The following ATP1A2 variants were observed in gnomAD, a reference collection of about 807,000 sequenced individuals.
The protein encoded by ATP1A2 is sodium/potassium-transporting ATPase subunit alpha-2.
Under a neutral mutation model 113.1 loss-of-function variants are expected in ATP1A2, and 56 were observed. The observed-to-expected ratio is 0.49, with a 90% CI of 0.40 to 0.62. The LOEUF is 0.62. ATP1A2 is among the 20% of genes least tolerant of loss of function. The pLI, the probability that ATP1A2 is intolerant of heterozygous loss-of-function variation, is 0.00. For synonymous variants in ATP1A2, 490 were observed against 526.8 expected, an observed-to-expected ratio of 0.93 and a Z score of 0.96; for missense variants, 712 against 1,357.8, an observed-to-expected ratio of 0.52 and a Z score of 7.47.
chr1:160,137,310 C>A, intron 20 of ATP1A2: 1 of 477,414 alleles, frequency 2.1e-6, no homozygotes, highest in Non-Finnish European at 3.8e-6. Context: ...CCACCTGCTC[C>A]TATCCTTTGC....
At chr1:160,138,702 G>A (rs774332899) in intron 20 of ATP1A2, among the ~76,000 whole-genome samples, 28 of 152,106 alleles carry the variant, frequency 1.8e-4, no homozygotes, top group Admixed American at 4.6e-4. Flanking sequence ...TTAGCAGGGC[G>A]TGGTGGCACA....
At chr1:160,136,127 G>C (rs1651927873) in intron 17 of ATP1A2, 120 bp from the exon 18 acceptor site, 1 of 1,598,742 alleles carries the variant, frequency 6.3e-7, no homozygotes, top group Non-Finnish European at 8.6e-7. Flanking sequence ...GAAGACAATG[G>C]GGTCTGAATA....
chr1:160,122,315 A>C (rs1427582991), intron 3 of ATP1A2, among the ~76,000 whole-genome samples: 1 of 152,080 alleles, frequency 6.6e-6, no homozygotes, highest in Non-Finnish European at 1.5e-5. Context: ...CCAGATCATA[A>C]GCTCCTCAAG....
chr1:160,130,819 C>T (rs1651749027), intron 13 of ATP1A2, among the ~76,000 whole-genome samples: 1 of 152,224 alleles, frequency 6.6e-6, no homozygotes, highest in Admixed American at 6.5e-5. Flanking sequence ...CCCTCCTCTC[C>T]CTCCCTGGCA....
intron 22 of ATP1A2, 40 bp downstream of exon 22, chr1:160,140,024 C>T: frequency 6.3e-7 from 1 of 1,590,576 alleles, no homozygotes; most frequent in Non-Finnish European, 8.6e-7. Context: ...GTGCAAGCCC[C>T]ACCACCAGCT....
At chr1:160,131,225 T>G (rs1651760596) in intron 13 of ATP1A2, among the ~76,000 whole-genome samples, 1 of 152,192 alleles carries the variant, frequency 6.6e-6, no homozygotes. Context: ...CAATGAGCTG[T>G]GCCAGGGAGG....
At chr1:160,117,769 G>A (rs895049768) in intron 1 of ATP1A2, among the ~76,000 whole-genome samples, 7 of 152,144 alleles carry the variant, frequency 4.6e-5, no homozygotes, top group Admixed American at 2.6e-4. Flanking sequence ...GGGAAGGGAC[G>A]ACACTGGTGG....
At chr1:160,140,328 G>T (rs1361510390) in intron 22 of ATP1A2, among the ~76,000 whole-genome samples, 1 of 115,156 alleles carries the variant, frequency 8.7e-6, no homozygotes. Flanking sequence ...AATCTGTTCA[G>T]GGTCGTAAAG....
chr1:160,129,402 T>C lies in ATP1A2; in HGVS notation c.1461+2T>C. 2 of 1,612,720 alleles carry C rather than the reference T, an allele frequency of 1.2e-6. No homozygotes were observed. Among genetic ancestry groups the C allele is most frequent in the Non-Finnish European group, 1.7e-6 (2 of 1,179,992 alleles). On this transcript the variant is annotated splice_donor_variant, in intron 11 of 22. Coordinates refer to ENST00000361216, the MANE Select transcript of ATP1A2 (RefSeq NM_000702.4). LOFTEE classifies it high-confidence loss of function. ...TTCAACTCTACCAACAAGTACCAGG[T>C]CTGCTTGGGTTGCCAGGACAGAGGA...
chr1:160,133,066 T>C (rs1651818766), intron 13 of ATP1A2, among the ~76,000 whole-genome samples: 2 of 151,946 alleles, frequency 1.3e-5, no homozygotes, highest in Non-Finnish European at 1.5e-5. Flanking sequence ...AGGTCGGTGT[T>C]TAAACTTGAG....
chr1:160,128,893 C>A (rs1202474721), intron 9 of ATP1A2, 43 bp downstream of exon 9: 6 of 1,612,372 alleles, frequency 3.7e-6, no homozygotes, highest in Non-Finnish European at 5.1e-6. Flanking sequence ...TTAGAGGAGG[C>A]TGAGGGCAGT....
Position 160,128,983 on chromosome 1 carries a change from C to A in ATP1A2, c.1220C>A (p.Ala407Asp), listed in dbSNP as rs1224466281. Residue 407 changes from alanine to aspartate, a missense_variant, in exon 10 of 23, where the codon GCC becomes GAC. By Grantham distance (126) the Ala-to-Asp change is moderately radical. Transcript: ENST00000361216. ...GTTCCCCCTCATTTCCTCCCAGGGG[C>A]CACTTTTGACAAACGATCCCCTACG... ...EADTTEDQSG[A>D]TFDKRSPTWT... The A allele has an allele frequency of 6.2e-6, 10 of 1,602,928 alleles. No individual in the cohort carries two copies. The highest frequency in any genetic ancestry group is 8.5e-6 in the Non-Finnish European group (10 of 1,174,080).
At chr1:160,140,392 A>C (rs1203753783) in intron 22 of ATP1A2, among the ~76,000 whole-genome samples, 1 of 152,152 alleles carries the variant, frequency 6.6e-6, no homozygotes, top group Non-Finnish European at 1.5e-5. Context: ...CCCACTCATC[A>C]ACCGACAAGT....
At chr1:160,122,419 T>TG (rs1651438331) in intron 3 of ATP1A2, among the ~76,000 whole-genome samples, 1 of 44,002 alleles carries the variant, frequency 2.3e-5, no homozygotes, top group East Asian at 5.8e-4. Context: ...AATGAATGAA[T>TG]GAAAAAAAAA....
chr1:160,133,489 C>T (rs1218646340), intron 13 of ATP1A2, among the ~76,000 whole-genome samples: 1 of 152,138 alleles, frequency 6.6e-6, no homozygotes, highest in Non-Finnish European at 1.5e-5. Flanking sequence ...GCCAGCCACC[C>T]TCCCCATCCC....
At chr1:160,125,947 C>G (rs1429744311) in intron 7 of ATP1A2, among the ~76,000 whole-genome samples, 3 of 152,172 alleles carry the variant, frequency 2.0e-5, no homozygotes, top group Non-Finnish European at 4.4e-5. Context: ...AGGGCTGCAT[C>G]AGAGAAGGAG....
At chr1:160,133,646 A>C (rs1006292511) in intron 13 of ATP1A2, among the ~76,000 whole-genome samples, 1 of 152,048 alleles carries the variant, frequency 6.6e-6, no homozygotes, top group African/African-American at 2.4e-5. Context: ...TGTCCATTAC[A>C]TTGCTGCAGT....
At chr1:160,121,678 TTTCTC>T (rs1183361138) in intron 3 of ATP1A2, among the ~76,000 whole-genome samples, 2 of 152,256 alleles carry the variant, frequency 1.3e-5, no homozygotes, top group Non-Finnish European at 1.5e-5. Context: ...GTTACATACA[TTTCTC>T]TAATCTTTAC....
intron 13 of ATP1A2, among the ~76,000 whole-genome samples, chr1:160,133,972 T>G (rs1651841582): frequency 6.6e-6 from 1 of 151,808 alleles, no homozygotes; most frequent in Non-Finnish European, 1.5e-5. Context: ...GCCATTATCT[T>G]TCCTCCTCAC....
Sources: allele counts gnomAD v4.1 joint callset (sites outside exome capture counted in the v4.1 genomes callset), GRCh38; gene constraint gnomAD v4.1.1; transcripts MANE v1.5; gene names NCBI Gene and HGNC (gene_info 2026-07-23, HGNC 2026-07-21).